Variants in KSR2 observed in about 807,000 individuals in gnomAD.
KSR2 encodes the protein kinase suppressor of ras 2.
Under a neutral mutation model 107.8 loss-of-function variants are expected in KSR2, and 25 were observed. That is an observed-to-expected ratio of 0.23 (90% CI 0.17 to 0.32). KSR2 has a LOEUF of 0.32. KSR2 is among the 10% of genes least tolerant of loss of function. The probability of loss-of-function intolerance (pLI) is 1.00; values close to 1 mark genes in which losing one functional copy is unlikely to be tolerated. For synonymous variants in KSR2, 480 were observed against 507.0 expected, an observed-to-expected ratio of 0.95 and a Z score of 0.71; for missense variants, 887 against 1,268.9, an observed-to-expected ratio of 0.70 and a Z score of 4.57.
intron 3 of KSR2, among the ~76,000 whole-genome samples, chr12:117,839,761 G>A (rs147513668): frequency 2.6e-5 from 4 of 152,330 alleles, no homozygotes; most frequent in African/African-American, 9.6e-5. Flanking sequence ...AGCCCAGAAA[G>A]TTTTTCCTTT....
chr12:117,806,206 G>C (rs973241474), intron 3 of KSR2, among the ~76,000 whole-genome samples: 2 of 152,190 alleles, frequency 1.3e-5, no homozygotes, highest in Non-Finnish European at 2.9e-5. Flanking sequence ...GGATTCCGGA[G>C]GCACTTGCCC....
At chr12:117,846,806 T>C (rs948131583) in intron 3 of KSR2, among the ~76,000 whole-genome samples, 1 of 152,242 alleles carries the variant, frequency 6.6e-6, no homozygotes, top group African/African-American at 2.4e-5. Context: ...AATATAAGTT[T>C]ACCTGGTCAC....
chr12:117,828,247 G>A lies in KSR2; in HGVS notation c.472+27181C>T, dbSNP rs530555122. Among the ~76,000 whole-genome samples the A allele has an allele frequency of 8.5e-5, 13 of 152,220 alleles. No homozygotes were observed. The South Asian group carries it at 2.1e-3, about 24-fold the overall frequency. On this transcript the variant is annotated intron_variant, in intron 3 of 19. Coordinates refer to ENST00000339824, the MANE Select transcript of KSR2 (RefSeq NM_173598.6). ...CTCAATACCAACTCTTCCCTGAAACGATACATCCCACAGCCTGCTTCATAA... is the reference window on the plus strand; with the variant it reads ...CTCAATACCAACTCTTCCCTGAAACAATACATCCCACAGCCTGCTTCATAA...
chr12:117,855,404 T>C, intron 3 of KSR2, 24 bp downstream of exon 3: 1 of 1,613,792 alleles, frequency 6.2e-7, no homozygotes, highest in East Asian at 2.2e-5. Flanking sequence ...AGTCTCCACA[T>C]CCCCGACCCC....
At chr12:117,705,709 T>C (rs1281232116) in intron 4 of KSR2, among the ~76,000 whole-genome samples, 1 of 152,198 alleles carries the variant, frequency 6.6e-6, no homozygotes, top group East Asian at 1.9e-4. Flanking sequence ...GATTGGGCCA[T>C]AACGAAGCAC....
At position 117,842,027 on chromosome 12, in the gene KSR2, A is replaced by C. The variant is rs544648252; in HGVS notation, c.472+13401T>G. On this transcript the variant is annotated intron_variant, in intron 3 of 19. Transcript: ENST00000339824. The surrounding 1 kb of genome is among the most constrained non-coding windows in gnomAD (Gnocchi z 4.2). ...AGCCAGATGCAGGGAGAATTCCAACACAGGGGTTCTCAAAGCGTGTTCCCC... is the reference window on the plus strand; with the variant it reads ...AGCCAGATGCAGGGAGAATTCCAACCCAGGGGTTCTCAAAGCGTGTTCCCC... 6.6e-6 allele frequency among the ~76,000 whole-genome samples: 1 copy of C among 152,212 alleles called. No individual in the cohort carries two copies. The highest frequency in any genetic ancestry group is 1.5e-5 in the Non-Finnish European group (1 of 68,044).
chr12:117,958,113 G>A (rs959351806), intron 1 of KSR2, among the ~76,000 whole-genome samples: 4 of 152,060 alleles, frequency 2.6e-5, no homozygotes, highest in African/African-American at 9.7e-5. Flanking sequence ...GATTACAGGC[G>A]TGAGCCACTG....
At chr12:117,605,990 G>A (rs1375769458) in intron 5 of KSR2, among the ~76,000 whole-genome samples, 1 of 152,072 alleles carries the variant, frequency 6.6e-6, no homozygotes, top group African/African-American at 2.4e-5. Context: ...GAAACAATGG[G>A]ACCAGAGAGA....
At chr12:117,508,012 A>G (rs1476314698) in intron 14 of KSR2, among the ~76,000 whole-genome samples, 1 of 152,092 alleles carries the variant, frequency 6.6e-6, no homozygotes, top group Non-Finnish European at 1.5e-5. Context: ...AGGGTCTTAG[A>G]CCTCTACACT....
chr12:117,855,130 C>T (rs1201403693), intron 3 of KSR2, among the ~76,000 whole-genome samples: 1 of 152,144 alleles, frequency 6.6e-6, no homozygotes, highest in Non-Finnish European at 1.5e-5. Context: ...GTAAAAAGAC[C>T]CTGGTCTCCT....
intron 4 of KSR2, among the ~76,000 whole-genome samples, chr12:117,756,077 AAAG>A (rs1888779658): frequency 6.6e-6 from 1 of 152,224 alleles, no homozygotes; most frequent in Non-Finnish European, 1.5e-5. Flanking sequence ...AGGTTTGTGG[AAAG>A]AAGTTGTCTC....
intron 4 of KSR2, among the ~76,000 whole-genome samples, chr12:117,748,800 G>T (rs1398725525): frequency 1.3e-5 from 2 of 152,108 alleles, no homozygotes; most frequent in Non-Finnish European, 2.9e-5. Context: ...CCCAAAAGCA[G>T]ACCCTAAAGC....
intron 5 of KSR2, among the ~76,000 whole-genome samples, chr12:117,665,076 T>C (rs1685669009): frequency 6.6e-6 from 1 of 152,182 alleles, no homozygotes; most frequent in African/African-American, 2.4e-5. Flanking sequence ...CACTCACTCA[T>C]TCTTCCACTG....
intron 1 of KSR2, among the ~76,000 whole-genome samples, chr12:117,932,015 G>A (rs565046410): frequency 1.6e-4 from 25 of 152,184 alleles, no homozygotes; most frequent in Non-Finnish European, 2.9e-4. Context: ...GGCCAGGTAC[G>A]GTGGCTCATG....
intron 4 of KSR2, among the ~76,000 whole-genome samples, chr12:117,692,835 TA>T (rs1885888555): frequency 6.6e-6 from 1 of 152,112 alleles, no homozygotes. Flanking sequence ...ATGAAATGTC[TA>T]AAACAGGCAA....
At chr12:117,931,007 G>C (rs1356821192) in intron 1 of KSR2, among the ~76,000 whole-genome samples, 1 of 152,086 alleles carries the variant, frequency 6.6e-6, no homozygotes, top group African/African-American at 2.4e-5. Context: ...ATTTCAAGAA[G>C]AAAGCAGCAC....
At chr12:117,607,993 C>T (rs544618161) in intron 5 of KSR2, among the ~76,000 whole-genome samples, 1 of 152,306 alleles carries the variant, frequency 6.6e-6, no homozygotes, top group East Asian at 1.9e-4. Context: ...TGGAGCCCCA[C>T]ATGGGGTCAA....
intron 4 of KSR2, among the ~76,000 whole-genome samples, chr12:117,726,925 T>A (rs942006216): frequency 1.3e-5 from 2 of 152,170 alleles, no homozygotes; most frequent in Non-Finnish European, 2.9e-5. Flanking sequence ...TCCAGATGTA[T>A]AGTGGGTTGA....
intron 4 of KSR2, among the ~76,000 whole-genome samples, chr12:117,713,016 G>C (rs537839393): frequency 6.7e-6 from 1 of 150,064 alleles, no homozygotes; most frequent in Non-Finnish European, 1.5e-5. Flanking sequence ...TATCTATATA[G>C]AGAGAAATAT....
Sources: allele counts gnomAD v4.1 joint callset (sites outside exome capture counted in the v4.1 genomes callset), GRCh38; gene constraint gnomAD v4.1.1; non-coding constraint Gnocchi (gnomAD v3.1); transcripts MANE v1.5; gene names NCBI Gene and HGNC (gene_info 2026-07-23, HGNC 2026-07-21).